The following MGST1 variants were observed in gnomAD, a reference collection of about 807,000 sequenced individuals.
MGST1 encodes the protein microsomal glutathione S-transferase 1.
A neutral mutation model predicts 8.9 loss-of-function variants in MGST1; 5 were observed. That is an observed-to-expected ratio of 0.56 (90% CI 0.29 to 1.19). MGST1 has a LOEUF of 1.19. Among genes scored for constraint, MGST1 ranks in the 50% most tolerant of loss-of-function variants. The pLI is 0.08. For synonymous variants in MGST1, 54 were observed against 67.8 expected, an observed-to-expected ratio of 0.80 and a Z score of 1.00; for missense variants, 182 against 187.4, an observed-to-expected ratio of 0.97 and a Z score of 0.17.
chr12:16,416,380 CTG>C lies in MGST1; in HGVS notation n.779-21007_779-21006del, dbSNP rs373721355. On this transcript the variant is annotated intron_variant and non_coding_transcript_variant, in intron 1 of 1. Coordinates refer to the MGST1 transcript ENST00000359720. ...GTAACTAAATATTGTAGTGCTAACA[CTG>C]AGGATTGTAGTGCAAGTCATTTTAA... 2.9e-3 allele frequency among the ~76,000 whole-genome samples: 441 copies of C among 152,248 alleles called. 5 individuals are homozygous for C. The highest frequency in any genetic ancestry group is 0.01 in the African/African-American group (430 of 41,556).
chr12:16,384,208 T>C (rs1940484238), intron 1 of MGST1, among the ~76,000 whole-genome samples: 1 of 152,106 alleles, frequency 6.6e-6, no homozygotes, highest in South Asian at 2.1e-4. Flanking sequence ...ATATGCCCCA[T>C]GTAATTGATT....
downstream of MGST1, among the ~76,000 whole-genome samples, chr12:16,442,669 C>T (rs1459767057): frequency 6.6e-6 from 1 of 151,808 alleles, no homozygotes; most frequent in Non-Finnish European, 1.5e-5. This position sits in a 1 kb window ranked among gnomAD's most constrained non-coding sequence, Gnocchi z 4.5. Flanking sequence ...ATTCTTTTAC[C>T]AATACCACAA....
rs933635191 is a variant in MGST1 at position 16,576,742 on chromosome 12, A to G, written n.483-12786A>G. 5.9e-5 allele frequency among the ~76,000 whole-genome samples: 9 copies of G among 152,350 alleles called. No individual in the cohort carries two copies. Among genetic ancestry groups the G allele is most frequent in the African/African-American group, 1.7e-4 (7 of 41,576 alleles). On this transcript the variant is annotated intron_variant and non_coding_transcript_variant, in intron 4 of 4. Transcript: ENST00000538857. The surrounding 1 kb of genome is among the most constrained non-coding windows in gnomAD (Gnocchi z 4.1). ...GAAATTAACATTCTTGCATTGTCCAACTATATAGACTGCATACAGGGATTT... is the reference window on the plus strand; with the variant it reads ...GAAATTAACATTCTTGCATTGTCCAGCTATATAGACTGCATACAGGGATTT...
At chr12:16,460,313 T>A (rs60897264) in intron 4 of MGST1, among the ~76,000 whole-genome samples, 1 of 152,074 alleles carries the variant, frequency 6.6e-6, no homozygotes, top group South Asian at 2.1e-4. Context: ...CATTTTCTGC[T>A]GGAGGAATCG....
chr12:16,390,277 C>T (rs1940540158), intron 1 of MGST1, among the ~76,000 whole-genome samples: 1 of 151,830 alleles, frequency 6.6e-6, no homozygotes, highest in South Asian at 2.1e-4. Context: ...AGAAAGCTAA[C>T]ACATGCTACA....
intron 2 of MGST1, among the ~76,000 whole-genome samples, chr12:16,355,196 C>A (rs910521938): frequency 2.7e-5 from 4 of 149,492 alleles, no homozygotes; most frequent in African/African-American, 9.9e-5. Context: ...TAAGGTGTTT[C>A]CTTGTTACTT....
chr12:16,368,313 A>G (rs772090463), downstream of MGST1, among the ~76,000 whole-genome samples: 2 of 152,222 alleles, frequency 1.3e-5, no homozygotes, highest in Non-Finnish European at 2.9e-5. Context: ...TTATAAATAA[A>G]GAAACCAAAA....
At chr12:16,368,544 C>T (rs910487674), downstream of MGST1, among the ~76,000 whole-genome samples, 1 of 152,122 alleles carries the variant, frequency 6.6e-6, no homozygotes, top group Non-Finnish European at 1.5e-5. Flanking sequence ...ACATTCATAC[C>T]TTTCAGGGTG....
chr12:16,536,827 G>A (rs866453328), intron 4 of MGST1, among the ~76,000 whole-genome samples: 9 of 152,228 alleles, frequency 5.9e-5, no homozygotes, highest in Middle Eastern at 3.4e-3. Flanking sequence ...TCTCCTACTG[G>A]GTCCCTCCCA....
rs572634247 is a variant in MGST1, at chr12:16,544,894, C to T, written n.483-44634C>T. ...CTGAAGTTTGCATCATTTTGGACAG[C>T]ATAGCTAGTTCTTGTGCCCCAACCA... On this transcript the variant is annotated intron_variant and non_coding_transcript_variant, in intron 4 of 4. Coordinates refer to the MGST1 transcript ENST00000538857. This position sits in a 1 kb window ranked among gnomAD's most constrained non-coding sequence, Gnocchi z 4.8. Among the ~76,000 whole-genome samples, 1 of 152,160 alleles carries T rather than the reference C, an allele frequency of 6.6e-6. No individual in the cohort carries two copies. Among genetic ancestry groups the T allele is most frequent in the South Asian group, 2.1e-4 (1 of 4,832 alleles).
intron 1 of MGST1, among the ~76,000 whole-genome samples, chr12:16,404,245 A>T (rs1427528966): frequency 6.6e-6 from 1 of 152,168 alleles, no homozygotes; most frequent in Non-Finnish European, 1.5e-5. Context: ...TATAATATTA[A>T]TAAAGTGACA....
chr12:16,354,929 C>CT (rs10679908), intron 2 of MGST1, among the ~76,000 whole-genome samples: 10,175 of 146,776 alleles, frequency 0.069, 445 homozygotes, highest in East Asian at 0.21. Context: ...ATAAGAATGA[C>CT]TTTTTTTTTT....
rs1456578285 is a variant in MGST1, at chr12:16,503,334, C to T, written n.483-86194C>T. 1.3e-5 allele frequency among the ~76,000 whole-genome samples: 2 copies of T among 152,140 alleles called. No homozygotes were observed. Among genetic ancestry groups the T allele is most frequent in the Non-Finnish European group, 2.9e-5 (2 of 68,016 alleles). On this transcript the variant is annotated intron_variant and non_coding_transcript_variant, in intron 4 of 4. Transcript: ENST00000538857. This position sits in a 1 kb window ranked among gnomAD's most constrained non-coding sequence, Gnocchi z 4.8. Reference sequence around the variant, plus strand: ...CCCTCATTCTTAGCTTGGCTTCACTCATAAATGTTATTTTTTCCTTTCTTT... The same window carrying T: ...CCCTCATTCTTAGCTTGGCTTCACTTATAAATGTTATTTTTTCCTTTCTTT...
At chr12:16,385,428 G>A (rs1940495892) in intron 1 of MGST1, among the ~76,000 whole-genome samples, 2 of 127,864 alleles carry the variant, frequency 1.6e-5, no homozygotes, top group South Asian at 5.0e-4. Context: ...ACATTTGTGT[G>A]CATGAATTGT....
rs550757000 is a variant in MGST1 at position 16,556,902 on chromosome 12, T to C, written n.483-32626T>C. Among the ~76,000 whole-genome samples the C allele has an allele frequency of 2.6e-5, 4 of 152,310 alleles. No homozygotes were observed. The East Asian group carries it at 7.7e-4, about 29-fold the overall frequency. ...GCACTAAAGATATGCAGTCCCATTATGGCATGTAATAAATGAAGCGAACAC... is the reference window on the plus strand; with the variant it reads ...GCACTAAAGATATGCAGTCCCATTACGGCATGTAATAAATGAAGCGAACAC... On this transcript the variant is annotated intron_variant and non_coding_transcript_variant, in intron 4 of 4. Transcript: ENST00000538857.
intron 4 of MGST1, among the ~76,000 whole-genome samples, chr12:16,498,594 T>C (rs1221395911): frequency 6.6e-6 from 1 of 152,184 alleles, no homozygotes; most frequent in Non-Finnish European, 1.5e-5. Flanking sequence ...CTGTAACCCC[T>C]GTGGAAGGGC....
In MGST1 at chr12:16,389,967, CT is replaced by C. The variant is rs1164166974; in HGVS notation, n.778+6364del. Among the ~76,000 whole-genome samples, 5 of 152,316 alleles carry C rather than the reference CT, an allele frequency of 3.3e-5. No homozygotes were observed. The highest frequency in any genetic ancestry group is 1.2e-4 in the African/African-American group (5 of 41,572). On this transcript the variant is annotated intron_variant and non_coding_transcript_variant, in intron 1 of 1. Coordinates refer to the MGST1 transcript ENST00000359720. The surrounding 1 kb of genome is among the most constrained non-coding windows in gnomAD (Gnocchi z 4.6). ...AAAGGGAGTTGAAGTGCAATACAGA[CT>C]GCAGCTCCATCCGTCAGAGGGTTGA...
At chr12:16,473,744 G>T (rs1034652539) in intron 4 of MGST1, among the ~76,000 whole-genome samples, 4 of 152,040 alleles carry the variant, frequency 2.6e-5, no homozygotes, top group Admixed American at 6.5e-5. Flanking sequence ...GGCCGTGTGC[G>T]ACAGCTCACA....
At chr12:16,356,483 A>G (rs758851723) in intron 2 of MGST1, among the ~76,000 whole-genome samples, 1 of 152,182 alleles carries the variant, frequency 6.6e-6, no homozygotes, top group African/African-American at 2.4e-5. Context: ...AGCCCTGTGC[A>G]TCGGTTCTCT....
Sources: gnomAD v4.1 joint callset for allele counts (sites outside exome capture counted in the v4.1 genomes callset) on GRCh38, gnomAD v4.1.1 for gene constraint, Gnocchi (gnomAD v3.1) non-coding constraint, MANE v1.5 for transcripts, NCBI Gene and HGNC (gene_info 2026-07-23, HGNC 2026-07-21) for gene names.